VIT: variants seen among roughly 807,000 people sequenced by gnomAD.
VIT encodes vitrin.
VIT carries 99 observed loss-of-function variants against 78.0 expected under a neutral mutation model. The observed-to-expected ratio is 1.27, with a 90% confidence interval of 1.08 to 1.50. The LOEUF is 1.50. VIT is among the 40% of genes most tolerant of loss of function. VIT has a pLI of 0.00. For synonymous variants in VIT, 374 were observed against 334.3 expected, an observed-to-expected ratio of 1.12 and a Z score of -1.29; for missense variants, 1,126 against 875.3, an observed-to-expected ratio of 1.29 and a Z score of -3.61.
At chr2:36,777,521 T>C (rs2148612357) in intron 9 of VIT, among the ~76,000 whole-genome samples, 1 of 152,272 alleles carries the variant, frequency 6.6e-6, no homozygotes, top group South Asian at 2.1e-4. Context: ...ATTGCCTCTC[T>C]AGTCCTCAAT....
intron 2 of VIT, among the ~76,000 whole-genome samples, chr2:36,722,126 G>A (rs72783143): frequency 0.087 from 13,294 of 152,276 alleles, 615 homozygotes; most frequent in East Asian, 0.14. Context: ...TGTTTAATGT[G>A]TTTAATTAAT....
chr2:36,736,594 G>C (rs542083941), intron 3 of VIT, among the ~76,000 whole-genome samples: 19 of 152,178 alleles, frequency 1.2e-4, no homozygotes, highest in African/African-American at 4.1e-4. Context: ...ATGCAGATGG[G>C]AGCCATTGAT....
chr2:36,812,817 G>A (rs192914025), intron 15 of VIT, among the ~76,000 whole-genome samples: 209 of 149,598 alleles, frequency 1.4e-3, no homozygotes, highest in South Asian at 2.6e-3. Context: ...CCCTGAAACT[G>A]TTCTCACCAA....
At chr2:36,764,067 C>T (rs116356831) in intron 6 of VIT, among the ~76,000 whole-genome samples, 4 of 152,304 alleles carry the variant, frequency 2.6e-5, no homozygotes, top group South Asian at 4.1e-4. Flanking sequence ...TTAGCAAAGG[C>T]AGACTGGGAT....
chr2:36,729,818 C>T (rs1375975939), intron 3 of VIT, among the ~76,000 whole-genome samples: 3 of 152,274 alleles, frequency 2.0e-5, no homozygotes, highest in Middle Eastern at 3.4e-3. Flanking sequence ...TCTCAATTCC[C>T]CATACCAGAA....
In VIT at chr2:36,802,746, C is replaced by T. The variant is rs575127459; in HGVS notation, c.1162+1342C>T. Among the ~76,000 whole-genome samples the T allele has an allele frequency of 2.8e-4, 42 of 152,330 alleles. No individual in the cohort carries two copies. The South Asian group carries it at 8.3e-3, about 30-fold the overall frequency. On this transcript the variant is annotated intron_variant, in intron 13 of 15. Transcript: ENST00000379242. ...GATGGGTCTCAATCCAATCAGCATA[C>T]GTTTTTCAGTGGATGACATGTTCTG...
intron 9 of VIT, among the ~76,000 whole-genome samples, chr2:36,781,389 C>T (rs139783485): frequency 6.6e-6 from 1 of 152,320 alleles, no homozygotes; most frequent in East Asian, 1.9e-4. Flanking sequence ...TAGCCAGCCA[C>T]TCACAGGCCA....
Position 36,774,428 on chromosome 2 carries a change from G to A in VIT, c.737-574G>A, listed in dbSNP as rs953625044. ...AAAGGAAAATCTAGCAGGGTTTGAC[G>A]GTTTCCACAAACTCTACTCACAGCC... is the stretch of plus-strand genomic sequence containing the variant. On this transcript the variant is annotated intron_variant, in intron 8 of 15. Transcript: ENST00000379242. 5.5e-6 allele frequency: 5 copies of A among 908,912 alleles called. No homozygotes were observed. The African/African-American group carries it at 7.2e-5, about 13-fold the overall frequency. 56.3% of individuals were successfully genotyped at this position (908,912 alleles called of 1,614,324 possible).
At chr2:36,742,237 C>T (rs13418202) in intron 3 of VIT, among the ~76,000 whole-genome samples, 2,022 of 152,248 alleles carry the variant, frequency 0.013, 43 homozygotes, top group African/African-American at 0.045. Flanking sequence ...TTCTGGGATA[C>T]AGTCAATAGA....
intron 12 of VIT, chr2:36,788,078 C>G (rs917338332): frequency 3.6e-6 from 1 of 275,338 alleles, no homozygotes; most frequent in African/African-American, 2.3e-5. Flanking sequence ...TAAATTTATA[C>G]ACACATCTTA....
intron 7 of VIT, among the ~76,000 whole-genome samples, chr2:36,768,910 T>C (rs1013336114): frequency 1.3e-5 from 2 of 152,234 alleles, no homozygotes; most frequent in Admixed American, 6.5e-5. Context: ...ATTATTATTA[T>C]GCTATTTTAT....
rs906606729 is a variant in VIT, at chr2:36,774,930, G to T, written c.737-72G>T. ...AATCTGAACTAAGGTAATTTTCACCGGGGGCAAAATAAGGAAAGAAAGCAG... is the reference window on the plus strand; with the variant it reads ...AATCTGAACTAAGGTAATTTTCACCTGGGGCAAAATAAGGAAAGAAAGCAG... On this transcript the variant is annotated intron_variant, in intron 8 of 15. Transcript: ENST00000379242. 1.9e-5 allele frequency: 30 copies of T among 1,592,430 alleles called. No individual in the cohort carries two copies. The South Asian group carries it at 3.1e-4, about 16-fold the overall frequency.
At chr2:36,751,428 C>T (rs538818766) in intron 4 of VIT, among the ~76,000 whole-genome samples, 3 of 152,148 alleles carry the variant, frequency 2.0e-5, no homozygotes, top group Non-Finnish European at 4.4e-5. Flanking sequence ...GTTAGATCCA[C>T]ATTGAGGATT....
chr2:36,747,189 T>A (rs921475743), intron 4 of VIT, among the ~76,000 whole-genome samples: 2 of 152,170 alleles, frequency 1.3e-5, no homozygotes, highest in African/African-American at 4.8e-5. Flanking sequence ...CAAATTTTTT[T>A]AATTTATTGA....
intron 3 of VIT, among the ~76,000 whole-genome samples, chr2:36,736,439 C>T (rs1395339718): frequency 6.6e-6 from 1 of 152,168 alleles, no homozygotes; most frequent in South Asian, 2.1e-4. Flanking sequence ...TAGAACAATT[C>T]CTGCCTGGCA....
intron 12 of VIT, among the ~76,000 whole-genome samples, chr2:36,792,570 A>G (rs1665579112): frequency 6.6e-6 from 1 of 152,172 alleles, no homozygotes; most frequent in Non-Finnish European, 1.5e-5. Context: ...GATGCCCAAT[A>G]GAACCACCTG....
At chr2:36,778,974 T>G (rs543003257) in intron 9 of VIT, among the ~76,000 whole-genome samples, 1 of 152,340 alleles carries the variant, frequency 6.6e-6, no homozygotes, top group South Asian at 2.1e-4. Context: ...CAAAGGGCCA[T>G]GTTTGCAGCT....
intron 11 of VIT, 117 bp from the exon 12 acceptor site, chr2:36,787,012 T>G: frequency 7.5e-7 from 1 of 1,330,994 alleles, no homozygotes; most frequent in Non-Finnish European, 1.0e-6. Flanking sequence ...TTCCTACCTC[T>G]TTTTCCCTTT....
intron 4 of VIT, among the ~76,000 whole-genome samples, chr2:36,744,259 G>C (rs994992381): frequency 3.3e-5 from 5 of 152,130 alleles, no homozygotes; most frequent in Admixed American, 3.3e-4. Flanking sequence ...GAATAGTGCT[G>C]CAACGAACAT....
Sources: gnomAD v4.1 joint callset for allele counts (sites outside exome capture counted in the v4.1 genomes callset) on GRCh38, gnomAD v4.1.1 for gene constraint, MANE v1.5 for transcripts, NCBI Gene and HGNC (gene_info 2026-07-23, HGNC 2026-07-21) for gene names.